CHDH: variants seen among roughly 807,000 people sequenced by gnomAD.
CHDH encodes choline dehydrogenase, mitochondrial.
Under a neutral mutation model 56.9 loss-of-function variants are expected in CHDH, and 43 were observed. The observed-to-expected ratio is 0.76, with a 90% CI of 0.59 to 0.97. The LOEUF is 0.97. CHDH is among the 50% of genes least tolerant of loss of function. CHDH has a pLI of 0.00. For missense variants in CHDH, 816 were observed against 821.1 expected (o/e 0.99, Z 0.08); for synonymous variants, 364 against 348.5 (o/e 1.04, Z -0.50).
At chr3:53,837,522 G>A (rs1273702217) in intron 2 of CHDH, among the ~76,000 whole-genome samples, 2 of 152,250 alleles carry the variant, frequency 1.3e-5, no homozygotes, top group Admixed American at 1.3e-4. Flanking sequence ...ACCCAGGGCA[G>A]GGTTTCCTGT....
intron 5 of CHDH, among the ~76,000 whole-genome samples, chr3:53,821,335 G>A (rs2095625977): frequency 1.3e-5 from 2 of 152,212 alleles, no homozygotes; most frequent in South Asian, 2.1e-4. Flanking sequence ...TCTCGCCATA[G>A]AGCTGCCCTG....
rs1179956619 is a variant in CHDH, at chr3:53,823,553, G to A, written c.456C>T (p.Arg152=). 2.6e-6 allele frequency: 4 copies of A among 1,542,464 alleles called. No homozygotes were observed. The highest frequency in any genetic ancestry group is 2.0e-5 in the Admixed American group (1 of 50,930). The change falls in exon 3 of 9, where the codon CGC becomes CGT. Residue 152 remains arginine (R), a synonymous_variant. Transcript: ENST00000315251. ...CGTAGTCCCAGCCGCGGGCGCCCTG[G>A]CGCTGCCAGCGCTCGTAGTCCTCGG... The part of the protein sequence containing the change: ...GHAEDYERWQ[R]QGARGWDYAH...
chr3:53,829,167 G>C (rs755047588), intron 2 of CHDH, among the ~76,000 whole-genome samples: 1 of 152,174 alleles, frequency 6.6e-6, no homozygotes, highest in Non-Finnish European at 1.5e-5. Context: ...CAAACCGTAT[G>C]AGTTCAACGA....
At chr3:53,824,575 A>G (rs2095635544) in intron 2 of CHDH, among the ~76,000 whole-genome samples, 1 of 152,220 alleles carries the variant, frequency 6.6e-6, no homozygotes, top group African/African-American at 2.4e-5. Flanking sequence ...AAGGAAGATC[A>G]GCATGAGAGG....
rs145703041 is a variant in CHDH, at chr3:53,818,878, A to G, written c.1366+60T>C. On this transcript the variant is annotated intron_variant, in intron 8 of 8. Coordinates refer to ENST00000315251, the MANE Select transcript of CHDH (RefSeq NM_018397.5). ...CCAAGGGTATGATTCAGGGATAAAC[A>G]GGAACCCCACAAAGGCATTCGTTTG... is the stretch of plus-strand genomic sequence containing the variant. 2.0e-3 allele frequency: 2,095 copies of G among 1,041,230 alleles called. 30 individuals are homozygous for G. The African/African-American group carries it at 0.023, about 11-fold the overall frequency. The allele number at this position is 1,041,230 out of a possible 1,614,324, so 64.5% of individuals were successfully genotyped here.
intron 2 of CHDH, among the ~76,000 whole-genome samples, chr3:53,834,070 C>T (rs1329911169): frequency 6.6e-6 from 1 of 152,192 alleles, no homozygotes; most frequent in Non-Finnish European, 1.5e-5. Flanking sequence ...CCACCACGTC[C>T]TACTGGTTAT....
intron 2 of CHDH, among the ~76,000 whole-genome samples, chr3:53,826,032 G>A (rs896980342): frequency 1.3e-5 from 2 of 151,902 alleles, no homozygotes; most frequent in Admixed American, 6.6e-5. Context: ...TAGATGAAAT[G>A]GACTAATTCC....
At chr3:53,834,854 C>T (rs1174682948) in intron 2 of CHDH, among the ~76,000 whole-genome samples, 1 of 152,200 alleles carries the variant, frequency 6.6e-6, no homozygotes, top group Non-Finnish European at 1.5e-5. Context: ...CATTACAGTC[C>T]TAGCTTTCAC....
intron 2 of CHDH, among the ~76,000 whole-genome samples, chr3:53,833,092 G>A (rs1698387221): frequency 6.6e-6 from 1 of 152,216 alleles, no homozygotes; most frequent in Non-Finnish European, 1.5e-5. Context: ...TGATCTAGAT[G>A]ACAGGCACAT....
At chr3:53,840,255 T>A (rs1370199282) in intron 2 of CHDH, among the ~76,000 whole-genome samples, 2 of 152,172 alleles carry the variant, frequency 1.3e-5, no homozygotes, top group African/African-American at 4.8e-5. Flanking sequence ...TAAGGGTGGC[T>A]CACACCTGTA....
chr3:53,820,627 G>A lies in CHDH; in HGVS notation c.986-19C>T. ...CCAACCCCTGATACGGGAAGGAGTG[G>A]TTTAGAAAATGGCTACCAAGGGGGC... On this transcript the variant is annotated intron_variant, in intron 5 of 8. Transcript: ENST00000315251. 1 of 1,601,984 alleles carries A rather than the reference G, an allele frequency of 6.2e-7. No individual in the cohort carries two copies. Among genetic ancestry groups the A allele is most frequent in the South Asian group, 1.1e-5 (1 of 88,814 alleles).
intron 2 of CHDH, among the ~76,000 whole-genome samples, chr3:53,827,420 A>G (rs1166489660): frequency 6.6e-6 from 1 of 152,160 alleles, no homozygotes; most frequent in African/African-American, 2.4e-5. Context: ...CTCTTTTCTT[A>G]TAAATTACCT....
In CHDH at chr3:53,823,628, G is replaced by GACGCGGCCGCGTGGCCAGTACAGC. The variant is rs770805036; in HGVS notation, c.357_380dup (p.Leu120_Val127dup). 1 of 1,544,006 alleles carries GACGCGGCCGCGTGGCCAGTACAGC rather than the reference G, an allele frequency of 6.5e-7. No homozygotes were observed. The highest frequency in any genetic ancestry group is 1.2e-5 in the South Asian group (1 of 83,968). ...CATTGAGGGATGAGGAGCCACCCCA[G>GACGCGGCCGCGTGGCCAGTACAGC]ACGCGGCCGCGTGGCCAGTACAGCA... On this transcript the variant is annotated inframe_insertion, in exon 3 of 9. Coordinates refer to ENST00000315251, the MANE Select transcript of CHDH (RefSeq NM_018397.5).
chr3:53,822,572 G>C lies in CHDH; in HGVS notation c.774C>G (p.Ala258=). ...ALSRTNLKAE[A]ETLVSRVLFE... Reference sequence around the variant, plus strand: ...ATAGCACCCTGCTCACAAGCGTCTCGGCCTCGGCCTTGAGGTTGGTGCGGC... The same window carrying C: ...ATAGCACCCTGCTCACAAGCGTCTCCGCCTCGGCCTTGAGGTTGGTGCGGC... The change falls in exon 4 of 9, where the codon GCC becomes GCG. Residue 258 remains alanine (A), a synonymous_variant. Transcript: ENST00000315251. 3.1e-6 allele frequency: 5 copies of C among 1,613,186 alleles called. No homozygotes were observed. Among genetic ancestry groups the C allele is most frequent in the South Asian group, 1.1e-5 (1 of 91,090 alleles).
chr3:53,832,728 T>C (rs1011060310), intron 2 of CHDH, among the ~76,000 whole-genome samples: 4 of 152,062 alleles, frequency 2.6e-5, no homozygotes, highest in East Asian at 1.9e-4. Flanking sequence ...TTCTATGGAA[T>C]AGGCAAATCC....
intron 2 of CHDH, among the ~76,000 whole-genome samples, chr3:53,834,518 C>T (rs1411542291): frequency 2.6e-5 from 4 of 152,298 alleles, no homozygotes; most frequent in African/African-American, 9.6e-5. Context: ...AAACGGATTG[C>T]TTTATACGAC....
chr3:53,818,363 A>G (rs1310406983), intron 8 of CHDH, among the ~76,000 whole-genome samples, 168 bp from the exon 9 acceptor site: 1 of 152,232 alleles, frequency 6.6e-6, no homozygotes, highest in Admixed American at 6.5e-5. Context: ...CCCTGCCCAC[A>G]GCGGGTTAGA....
intron 2 of CHDH, among the ~76,000 whole-genome samples, chr3:53,831,903 G>A (rs569419271): frequency 1.3e-5 from 2 of 149,846 alleles, no homozygotes; most frequent in East Asian, 2.0e-4. Flanking sequence ...GCAGTGAGCC[G>A]AGATGGCACC....
intron 8 of CHDH, 65 bp from the exon 9 acceptor site, chr3:53,818,260 C>T: frequency 7.1e-6 from 10 of 1,417,972 alleles, no homozygotes; most frequent in Admixed American, 2.4e-5. Flanking sequence ...CTGGAAGATT[C>T]ACGGCATGGA....
Sources: allele counts gnomAD v4.1 joint callset (sites outside exome capture counted in the v4.1 genomes callset), GRCh38; gene constraint gnomAD v4.1.1; transcripts MANE v1.5; gene names NCBI Gene and HGNC (gene_info 2026-07-23, HGNC 2026-07-21).